Variants in ASB15 observed in about 807,000 individuals in gnomAD.
ASB15 encodes the protein ankyrin repeat and SOCS box protein 15.
A neutral mutation model predicts 58.0 loss-of-function variants in ASB15; 54 were observed. The ratio of observed to expected loss-of-function variants is 0.93; its 90% CI spans 0.75 to 1.17. The LOEUF (loss-of-function observed/expected upper bound fraction) is 1.17. Among genes scored for constraint, ASB15 ranks in the 50% most tolerant of loss-of-function variants. The pLI, the probability that ASB15 is intolerant of heterozygous loss-of-function variation, is 0.00. For missense variants in ASB15, 680 were observed against 707.4 expected (o/e 0.96, Z 0.44); for synonymous variants, 249 against 262.4 (o/e 0.95, Z 0.50).
At chr7:123,589,301 TTTA>T (rs35194530) in intron 1 of ASB15, among the ~76,000 whole-genome samples, 4,494 of 147,448 alleles carry the variant, frequency 0.03, 182 homozygotes, top group African/African-American at 0.097. Context: ...CTTTCATCTC[TTTA>T]TTATTATTAT....
At chr7:123,635,663 C>G (rs1042937711) in intron 11 of ASB15, among the ~76,000 whole-genome samples, 2 of 142,146 alleles carry the variant, frequency 1.4e-5, no homozygotes, top group Non-Finnish European at 3.0e-5. Context: ...AAGAATAAGG[C>G]CAGGAAGTTT....
At chr7:123,624,419 A>C in intron 7 of ASB15, 150 bp from the exon 8 acceptor site, 1 of 711,388 alleles carries the variant, frequency 1.4e-6, no homozygotes, top group Non-Finnish European at 2.3e-6. Context: ...TATGAGAAAC[A>C]GAAGGGATAT....
chr7:123,629,550 G>A (rs1802012477), intron 10 of ASB15, 116 bp downstream of exon 10: 1 of 1,031,238 alleles, frequency 9.7e-7, no homozygotes, highest in East Asian at 2.6e-5. Flanking sequence ...TATTTTTCTT[G>A]TTTTTTCAAT....
chr7:123,576,388 A>G (rs976315549), intron 1 of ASB15, among the ~76,000 whole-genome samples: 1 of 151,864 alleles, frequency 6.6e-6, no homozygotes, highest in African/African-American at 2.4e-5. Context: ...CATAATTTTC[A>G]TCTGTTCAAT....
intron 7 of ASB15, among the ~76,000 whole-genome samples, chr7:123,618,428 G>T (rs1800970718): frequency 6.6e-6 from 1 of 152,302 alleles, no homozygotes; most frequent in East Asian, 1.9e-4. Context: ...AGATCACTGG[G>T]TTTAAATCTT....
chr7:123,614,644 C>A, intron 4 of ASB15, 35 bp downstream of exon 4: 1 of 1,307,698 alleles, frequency 7.6e-7, no homozygotes, highest in South Asian at 1.2e-5. Context: ...AGCAAAATTT[C>A]TTTATGGCAT....
At chr7:123,626,854 C>T (rs1400474664) in intron 8 of ASB15, among the ~76,000 whole-genome samples, 1 of 152,132 alleles carries the variant, frequency 6.6e-6, no homozygotes, top group Non-Finnish European at 1.5e-5. Flanking sequence ...TCTCCTGCTT[C>T]AGACTCCTGG....
rs752517343 is a variant in ASB15, at chr7:123,630,123, A to G, written c.1594+4A>G. 1 of 1,564,754 alleles carries G rather than the reference A, an allele frequency of 6.4e-7. No individual in the cohort carries two copies. The highest frequency in any genetic ancestry group is 8.7e-7 in the Non-Finnish European group (1 of 1,153,220). On this transcript the variant is annotated splice_donor_region_variant and intron_variant, in intron 11 of 11. Coordinates refer to ENST00000451215, the MANE Select transcript of ASB15 (RefSeq NM_001290258.2). ...CCAGAAATCCGCCAAATACTAGGTAAAAACCAAAAGTTTTGCCTACAATTT... is the reference window on the plus strand; with the variant it reads ...CCAGAAATCCGCCAAATACTAGGTAGAAACCAAAAGTTTTGCCTACAATTT...
intron 1 of ASB15, among the ~76,000 whole-genome samples, chr7:123,568,003 C>T (rs144582551): frequency 0.011 from 1,735 of 152,054 alleles, 18 homozygotes; most frequent in Middle Eastern, 0.041. Context: ...AGTGTCCATA[C>T]TCAAATAATT....
chr7:123,574,432 C>T (rs1013239367), intron 1 of ASB15, among the ~76,000 whole-genome samples: 1 of 152,042 alleles, frequency 6.6e-6, no homozygotes, highest in African/African-American at 2.4e-5. Flanking sequence ...CCCCAGGCCC[C>T]CAGTTTGTGA....
chr7:123,609,578 C>G (rs1265447046), intron 3 of ASB15, among the ~76,000 whole-genome samples: 1 of 152,170 alleles, frequency 6.6e-6, no homozygotes, highest in African/African-American at 2.4e-5. Context: ...GAGATGGTTT[C>G]AATTTTGTTA....
intron 1 of ASB15, among the ~76,000 whole-genome samples, chr7:123,573,436 T>C (rs1297250257): frequency 6.6e-6 from 1 of 152,006 alleles, no homozygotes; most frequent in African/African-American, 2.4e-5. Flanking sequence ...GTCTTATTTG[T>C]TTATGTATTT....
At chr7:123,602,167 G>A (rs965336336) in intron 1 of ASB15, among the ~76,000 whole-genome samples, 2 of 152,044 alleles carry the variant, frequency 1.3e-5, no homozygotes, top group African/African-American at 4.8e-5. Flanking sequence ...GAGAAAAACA[G>A]ATTAAGAATG....
chr7:123,592,800 T>A (rs1239638549), intron 1 of ASB15, among the ~76,000 whole-genome samples: 1 of 150,348 alleles, frequency 6.7e-6, no homozygotes, highest in Non-Finnish European at 1.5e-5. Flanking sequence ...GTGCATTACG[T>A]CTGAATTCAA....
intron 1 of ASB15, among the ~76,000 whole-genome samples, chr7:123,577,081 ATC>A (rs1213820096): frequency 6.6e-6 from 1 of 152,134 alleles, no homozygotes; most frequent in East Asian, 1.9e-4. Flanking sequence ...TTATAAAAAT[ATC>A]TTTTACATAA....
At chr7:123,602,194 A>G (rs978391436) in intron 1 of ASB15, among the ~76,000 whole-genome samples, 1 of 152,142 alleles carries the variant, frequency 6.6e-6, no homozygotes, top group Non-Finnish European at 1.5e-5. Context: ...CTTATAGAAC[A>G]TGTCAATATA....
At chr7:123,579,200 C>A (rs942404766) in intron 1 of ASB15, among the ~76,000 whole-genome samples, 1 of 152,042 alleles carries the variant, frequency 6.6e-6, no homozygotes, top group Non-Finnish European at 1.5e-5. Flanking sequence ...TGGCCTCCAG[C>A]TGTATCCATG....
intron 11 of ASB15, among the ~76,000 whole-genome samples, chr7:123,631,579 T>G (rs1355391437): frequency 6.6e-6 from 1 of 151,448 alleles, no homozygotes; most frequent in Non-Finnish European, 1.5e-5. Flanking sequence ...GCATTGAGAG[T>G]AAAATCAAAA....
At position 123,629,408 on chromosome 7, in the gene ASB15, A is replaced by T; in HGVS notation, c.1414A>T (p.Thr472Ser). 6.2e-7 allele frequency: 1 copy of T among 1,611,044 alleles called. No homozygotes were observed. Among genetic ancestry groups the T allele is most frequent in the Non-Finnish European group, 8.5e-7 (1 of 1,179,254 alleles). The stretch of plus-strand genomic sequence containing the variant: ...ACAGGAAGAGGTGCTGCCAGGATGG[A>T]CATCTTGTGTAATAAAAGATAACCC... The part of the protein sequence containing the change: ...EIQEEVLPGW[T>S]SCVIKDNPFC... Residue 472 changes from threonine (T) to serine (S), a missense_variant, in exon 10 of 12, where the codon ACA becomes TCA. Transcript: ENST00000451215.
Sources: gnomAD v4.1 joint callset for allele counts (sites outside exome capture counted in the v4.1 genomes callset) on GRCh38, gnomAD v4.1.1 for gene constraint, MANE v1.5 for transcripts, NCBI Gene and HGNC (gene_info 2026-07-23, HGNC 2026-07-21) for gene names.